Variants in OPCML observed in about 807,000 individuals in gnomAD.
OPCML encodes opioid-binding protein/cell adhesion molecule.
A neutral mutation model predicts 37.8 loss-of-function variants in OPCML; 13 were observed. That is an observed-to-expected ratio of 0.34 (90% confidence interval 0.22 to 0.55). The LOEUF is 0.55. Ranked by LOEUF, OPCML falls within the 20% of genes least tolerant of loss-of-function variation. The pLI, the probability that OPCML is intolerant of heterozygous loss-of-function variation, is 0.91. For missense variants in OPCML, 341 were observed against 435.6 expected (o/e 0.78, Z 1.93); for synonymous variants, 176 against 168.8 (o/e 1.04, Z -0.33).
chr11:132,502,774 G>C (rs2096248336), intron 4 of OPCML, among the ~76,000 whole-genome samples: 1 of 152,102 alleles, frequency 6.6e-6, no homozygotes, highest in African/African-American at 2.4e-5. Flanking sequence ...GTAAACCCTG[G>C]TTCACAGTGC....
intron 1 of OPCML, among the ~76,000 whole-genome samples, chr11:133,518,004 G>A (rs796611190): frequency 6.6e-6 from 1 of 152,172 alleles, no homozygotes; most frequent in Non-Finnish European, 1.5e-5. Flanking sequence ...GTTCCGAGGA[G>A]GAGTCCCATG....
At chr11:133,391,877 T>C (rs1321666775) in intron 1 of OPCML, among the ~76,000 whole-genome samples, 1 of 152,172 alleles carries the variant, frequency 6.6e-6, no homozygotes, top group African/African-American at 2.4e-5. Flanking sequence ...GAAGCTAAGA[T>C]TCAAAGTTCA....
At chr11:133,059,042 T>G (rs1948292964) in intron 1 of OPCML, among the ~76,000 whole-genome samples, 1 of 152,220 alleles carries the variant, frequency 6.6e-6, no homozygotes, top group Admixed American at 6.5e-5. Flanking sequence ...CTTTTGTCAT[T>G]GAAACAAATC....
intron 1 of OPCML, among the ~76,000 whole-genome samples, chr11:133,322,990 T>C (rs371758448): frequency 6.6e-6 from 1 of 152,176 alleles, no homozygotes; most frequent in African/African-American, 2.4e-5. Flanking sequence ...CTAACAGACA[T>C]TAAATTGAAA....
At chr11:132,918,694 C>T (rs1565963174) in intron 2 of OPCML, among the ~76,000 whole-genome samples, 1 of 152,122 alleles carries the variant, frequency 6.6e-6, no homozygotes, top group Non-Finnish European at 1.5e-5. Context: ...TCCCCAATCA[C>T]CACCAATCTT....
rs376720443 is a variant in OPCML, at chr11:133,483,789, C to CATAGATG, written c.61+48468_61+48474dup. 9.4e-3 allele frequency among the ~76,000 whole-genome samples: 364 copies of CATAGATG among 38,758 alleles called. 3 individuals are homozygous for CATAGATG. The highest frequency in any genetic ancestry group is 0.088 in the African/African-American group (315 of 3,588). The allele number at this position is 38,758 out of a possible 152,430, so 25.4% of individuals were successfully genotyped here. ...AAAGAGATTTATAGATGGATAGATA[C>CATAGATG]ATAGATGATAGATAGATAGATAGAT... On this transcript the variant is annotated intron_variant, in intron 1 of 7. Transcript: ENST00000524381.
chr11:133,060,844 C>T (rs972716517), intron 1 of OPCML, among the ~76,000 whole-genome samples: 2 of 152,238 alleles, frequency 1.3e-5, no homozygotes, highest in African/African-American at 2.4e-5. Flanking sequence ...CCAAACCCTA[C>T]GTGGGCATCA....
At chr11:132,866,115 A>AGGATCCACTTT (rs1942538802) in intron 2 of OPCML, among the ~76,000 whole-genome samples, 1 of 152,238 alleles carries the variant, frequency 6.6e-6, no homozygotes, top group African/African-American at 2.4e-5. Context: ...ATAAAAAGCA[A>AGGATCCACTTT]GGATCCACTT....
At chr11:133,111,450 CTT>C (rs1010218280) in intron 1 of OPCML, among the ~76,000 whole-genome samples, 20 of 152,182 alleles carry the variant, frequency 1.3e-4, no homozygotes, top group Non-Finnish European at 2.5e-4. Flanking sequence ...TCACTTGGCT[CTT>C]TCTTTTGGCA....
chr11:132,422,005 G>T (rs1245137237), intron 7 of OPCML, among the ~76,000 whole-genome samples: 2 of 152,042 alleles, frequency 1.3e-5, no homozygotes, highest in South Asian at 4.2e-4. Flanking sequence ...CATATGGGCA[G>T]ATTCATAAGG....
chr11:132,912,056 C>A (rs565969368), intron 2 of OPCML, among the ~76,000 whole-genome samples: 1 of 152,090 alleles, frequency 6.6e-6, no homozygotes, highest in Non-Finnish European at 1.5e-5. Context: ...GCTCTGGGAC[C>A]ATTAGAACAC....
chr11:133,329,529 G>T (rs533836533), intron 1 of OPCML, among the ~76,000 whole-genome samples: 2 of 152,168 alleles, frequency 1.3e-5, no homozygotes, highest in African/African-American at 4.8e-5. Context: ...AAATAATGCC[G>T]CATATCTACA....
chr11:132,770,576 T>A (rs756526231), intron 2 of OPCML, among the ~76,000 whole-genome samples: 11 of 152,170 alleles, frequency 7.2e-5, no homozygotes, highest in Non-Finnish European at 1.6e-4. Flanking sequence ...CTGATTTTCC[T>A]ACCAGGTGGC....
rs34411187 is a variant in OPCML at position 133,174,639 on chromosome 11, GAA to G, written c.62-231631_62-231630del. On this transcript the variant is annotated intron_variant, in intron 1 of 7. Transcript: ENST00000524381. The surrounding 1 kb of genome is among the most constrained non-coding windows in gnomAD (Gnocchi z 4.6). ...AAATGCTCATGGAATGCTGTTTAGT[GAA>G]AAAAAAAAAAAAAAAAAGCAGGGGG... 8.2e-3 allele frequency among the ~76,000 whole-genome samples: 963 copies of G among 116,760 alleles called. 4 individuals are homozygous for G. Among genetic ancestry groups the G allele is most frequent in the Non-Finnish European group, 0.012 (610 of 52,450 alleles). 76.6% of individuals were successfully genotyped at this position (116,760 alleles called of 152,430 possible).
intron 1 of OPCML, among the ~76,000 whole-genome samples, chr11:133,012,378 G>A (rs1324626403): frequency 1.3e-5 from 2 of 152,082 alleles, no homozygotes; most frequent in Non-Finnish European, 2.9e-5. Context: ...CAGAACTCTA[G>A]AAGATTGGGA....
rs565517541 is a variant in OPCML at position 132,658,377 on chromosome 11, C to A, written c.147-1058G>T. On this transcript the variant is annotated intron_variant, in intron 2 of 7. Transcript: ENST00000524381. ...ATCTGACCTAACACTTGGGTGGCAG[C>A]AGTGATCCTTCAGGCAGGTCTCAGG... 2.0e-5 allele frequency among the ~76,000 whole-genome samples: 3 copies of A among 152,302 alleles called. No individual in the cohort carries two copies. In the South Asian group the frequency reaches 6.2e-4, roughly 32 times the overall value.
chr11:132,835,682 C>T lies in OPCML; in HGVS notation c.146+107244G>A, dbSNP rs374841087. Among the ~76,000 whole-genome samples, 200 of 152,322 alleles carry T rather than the reference C, an allele frequency of 1.3e-3. 4 individuals are homozygous for T. In the South Asian group the frequency reaches 0.024, roughly 18 times the overall value. The stretch of plus-strand genomic sequence containing the variant: ...GAATCCCTGGACCCTAGAAGAGGCC[C>T]TAACACACAGGAAACATCTTTCACC... On this transcript the variant is annotated intron_variant, in intron 2 of 7. Transcript: ENST00000524381.
chr11:132,547,097 G>T (rs2096370426), intron 3 of OPCML, among the ~76,000 whole-genome samples: 1 of 152,158 alleles, frequency 6.6e-6, no homozygotes, highest in South Asian at 2.1e-4. Flanking sequence ...AAAGGCTTTT[G>T]GGACACAGCA....
At chr11:132,779,165 G>A (rs1012789245) in intron 2 of OPCML, among the ~76,000 whole-genome samples, 22 of 151,870 alleles carry the variant, frequency 1.4e-4, no homozygotes, top group Non-Finnish European at 2.2e-4. Flanking sequence ...ACAGGGTTTC[G>A]CCATGCTGGC....
Sources: gnomAD v4.1 joint callset for allele counts (sites outside exome capture counted in the v4.1 genomes callset) on GRCh38, gnomAD v4.1.1 for gene constraint, Gnocchi (gnomAD v3.1) non-coding constraint, MANE v1.5 for transcripts, NCBI Gene and HGNC (gene_info 2026-07-23, HGNC 2026-07-21) for gene names.